The following OIT3 variants were observed in gnomAD, a reference collection of about 807,000 sequenced individuals.
The protein encoded by OIT3 is oncoprotein-induced transcript 3 protein.
A neutral mutation model predicts 52.2 loss-of-function variants in OIT3; 41 were observed. The ratio of observed to expected loss-of-function variants is 0.79; its 90% confidence interval spans 0.61 to 1.02. OIT3 has a LOEUF of 1.02. Ranked by LOEUF, OIT3 falls within the 50% of genes least tolerant of loss-of-function variation. The pLI is 0.00. For synonymous variants in OIT3, 244 were observed against 276.9 expected (o/e 0.88, Z 1.18); for missense variants, 634 against 715.5 (o/e 0.89, Z 1.30).
Position 72,932,451 on chromosome 10 carries a change from G to A in OIT3, c.1565G>A (p.Gly522Glu). ...GCHRRMRRGAGGEDSAGLQGQ... is the reference protein window; with the variant it reads ...GCHRRMRRGAEGEDSAGLQGQ... Reference sequence around the variant, plus strand: ...CACCGGCGAATGCGTCGTGGGGCAGGAGGAGAGGACTCAGCCGGTCTACAG... The same window carrying A: ...CACCGGCGAATGCGTCGTGGGGCAGAAGGAGAGGACTCAGCCGGTCTACAG... The change falls in exon 9 of 9, where the codon GGA becomes GAA. Residue 522 changes from glycine to glutamate, a missense_variant. By Grantham distance (98) the Gly-to-Glu change is moderately conservative (BLOSUM62 -2). Transcript: ENST00000334011. 3 of 1,614,182 alleles carry A rather than the reference G, an allele frequency of 1.9e-6. No individual in the cohort carries two copies. The highest frequency in any genetic ancestry group is 2.2e-5 in the South Asian group (2 of 91,080).
At chr10:72,900,583 T>C in intron 3 of OIT3, 99 bp downstream of exon 3, 2 of 668,226 alleles carry the variant, frequency 3.0e-6, no homozygotes, top group Non-Finnish European at 5.3e-6. Context: ...CCAGTGTGTG[T>C]CTCCAAACAC....
At chr10:72,897,691 A>G (rs575744073) in intron 1 of OIT3, among the ~76,000 whole-genome samples, 6 of 152,322 alleles carry the variant, frequency 3.9e-5, no homozygotes, top group African/African-American at 1.4e-4. Context: ...ACAAATGGCC[A>G]GCCAAATACT....
chr10:72,900,243 G>T, intron 2 of OIT3, 134 bp from the exon 3 acceptor site: 1 of 604,094 alleles, frequency 1.7e-6, no homozygotes, highest in Admixed American at 2.8e-5. Flanking sequence ...GATTGCTTGA[G>T]CCCAGGGGTT....
At chr10:72,929,338 C>T (rs1268490855) in intron 7 of OIT3, among the ~76,000 whole-genome samples, 1 of 151,212 alleles carries the variant, frequency 6.6e-6, no homozygotes, top group Admixed American at 6.6e-5. Context: ...ATTAGGTACC[C>T]ACTAAAAGGC....
At position 72,924,429 on chromosome 10, in the gene OIT3, T is replaced by A. The variant is rs1846150076; in HGVS notation, c.1152T>A (p.His384Gln). Residue 384 changes from histidine (H) to glutamine (Q), a missense_variant, in exon 7 of 9, where the codon CAT (histidine) becomes CAA (glutamine). Physicochemically the swap from His to Gln is conservative, Grantham distance 24. Transcript: ENST00000334011. The part of the protein sequence containing the change: ...NSPLEIMSRN[H>Q]GIFPFTLEIF... ...CACTGGAAATCATGAGCCGAAATCA[T>A]GGGATCTTCCCATTCACTCTGGAGA... The A allele has an allele frequency of 1.9e-6, 3 of 1,614,008 alleles. No homozygotes were observed. The South Asian group carries it at 3.3e-5, about 18-fold the overall frequency.
intron 7 of OIT3, 73 bp downstream of exon 7, chr10:72,924,717 C>A: frequency 8.2e-7 from 1 of 1,224,162 alleles, no homozygotes; most frequent in Non-Finnish European, 1.1e-6. Flanking sequence ...CACACCCAGT[C>A]ATTTACTAAA....
intron 4 of OIT3, among the ~76,000 whole-genome samples, chr10:72,908,271 AT>A (rs750362128): frequency 3.9e-4 from 59 of 152,120 alleles, no homozygotes; most frequent in Non-Finnish European, 7.2e-4. Context: ...TTCTACTTTA[AT>A]AAGTCAGAGT....
intron 7 of OIT3, among the ~76,000 whole-genome samples, chr10:72,928,793 G>A (rs1191648315): frequency 6.6e-6 from 1 of 152,160 alleles, no homozygotes; most frequent in East Asian, 1.9e-4. Flanking sequence ...ATTATGTTTA[G>A]ATCCCCTTCA....
intron 6 of OIT3, among the ~76,000 whole-genome samples, chr10:72,923,983 T>G (rs1165954294): frequency 2.0e-5 from 3 of 151,994 alleles, no homozygotes; most frequent in Non-Finnish European, 2.9e-5. Context: ...AAGGAGCAGA[T>G]CAGGGTCCCA....
chr10:72,906,458 G>C, intron 3 of OIT3, 138 bp from the exon 4 acceptor site: 1 of 880,854 alleles, frequency 1.1e-6, no homozygotes, highest in Non-Finnish European at 1.8e-6. Context: ...TGGGAGTGAT[G>C]ATACTGGATC....
rs1846164345 is a variant in OIT3, at chr10:72,925,736, C to T, written c.1367+1092C>T. 2.0e-5 allele frequency among the ~76,000 whole-genome samples: 3 copies of T among 152,138 alleles called. No individual in the cohort carries two copies. In the South Asian group the frequency reaches 6.2e-4, roughly 32 times the overall value. Reference sequence around the variant, plus strand: ...AAGTGATCTTCCTGTCTCATCCTCCCAAGTAGCCAGGACCATATGCGCACG... The same window carrying T: ...AAGTGATCTTCCTGTCTCATCCTCCTAAGTAGCCAGGACCATATGCGCACG... On this transcript the variant is annotated intron_variant, in intron 7 of 8. Transcript: ENST00000334011.
intron 1 of OIT3, among the ~76,000 whole-genome samples, chr10:72,898,146 G>T (rs532477466): frequency 7.4e-4 from 112 of 151,666 alleles, no homozygotes; most frequent in Admixed American, 1.9e-3. Flanking sequence ...AATTAGCCAG[G>T]TGTGGTGGCA....
Position 72,922,506 on chromosome 10 carries a change from T to C in OIT3, c.952-1723T>C, listed in dbSNP as rs755691074. 6.5e-4 allele frequency among the ~76,000 whole-genome samples: 99 copies of C among 152,182 alleles called. 1 individual carries two copies. Among genetic ancestry groups the C allele is most frequent in the Admixed American group, 1.4e-3 (22 of 15,264 alleles). On this transcript the variant is annotated intron_variant, in intron 6 of 8. Coordinates refer to ENST00000334011, the MANE Select transcript of OIT3 (RefSeq NM_152635.3). ...ACTTGCAATTGCATTATGAAATTCTTGTATTGTGTTTTTTTAGCTCTGTCA... is the reference window on the plus strand; with the variant it reads ...ACTTGCAATTGCATTATGAAATTCTCGTATTGTGTTTTTTTAGCTCTGTCA...
chr10:72,923,752 ATGCT>A, intron 6 of OIT3, among the ~76,000 whole-genome samples: 6 of 152,216 alleles, frequency 3.9e-5, no homozygotes, highest in Non-Finnish European at 7.4e-5. Flanking sequence ...CAGTGTGGCC[ATGCT>A]TTCCTAGAGT....
At chr10:72,929,332 G>A (rs977941350) in intron 7 of OIT3, among the ~76,000 whole-genome samples, 4 of 151,382 alleles carry the variant, frequency 2.6e-5, no homozygotes, top group Admixed American at 2.6e-4. Context: ...GGAACTATTA[G>A]GTACCCACTA....
At chr10:72,918,630 G>A (rs570833339) in intron 6 of OIT3, 3 of 670,768 alleles carry the variant, frequency 4.5e-6, no homozygotes, top group African/African-American at 3.5e-5. Context: ...TCACACCAGG[G>A]TACACTTAAG....
chr10:72,906,426 G>A (rs113187280), intron 3 of OIT3, among the ~76,000 whole-genome samples, 170 bp from the exon 4 acceptor site: 23 of 152,260 alleles, frequency 1.5e-4, no homozygotes, highest in African/African-American at 4.6e-4. Flanking sequence ...AACCAATAAC[G>A]TGGTTGAGGA....
chr10:72,898,997 G>A lies in OIT3; in HGVS notation c.395G>A (p.Arg132His), dbSNP rs184800341. The A allele has an allele frequency of 1.2e-5, 20 of 1,613,498 alleles. No homozygotes were observed. The highest frequency in any genetic ancestry group is 6.7e-5 in the East Asian group (3 of 44,874). ...KACPGGYYVY[R>H]LTKPSVCFHV... ...TGCCCTGGAGGCTACTATGTGTATC[G>A]TCTGACCAAGCCCAGCGTCTGCTTC... Residue 132 changes from arginine to histidine, a missense_variant, in exon 2 of 9, where the codon CGT (arginine) becomes CAT (histidine). Arg to His is a conservative substitution (Grantham distance 29, BLOSUM62 0). Coordinates refer to ENST00000334011, the MANE Select transcript of OIT3 (RefSeq NM_152635.3).
At chr10:72,928,050 T>C (rs7921261) in intron 7 of OIT3, among the ~76,000 whole-genome samples, 37,700 of 152,092 alleles carry the variant, frequency 0.25, 10,759 homozygotes, top group African/African-American at 0.7. Context: ...ACATAGCTCA[T>C]TTTACTTATA....
Sources: allele counts gnomAD v4.1 joint callset (sites outside exome capture counted in the v4.1 genomes callset), GRCh38; gene constraint gnomAD v4.1.1; transcripts MANE v1.5; gene names NCBI Gene and HGNC (gene_info 2026-07-23, HGNC 2026-07-21).